DRC8: variants seen among roughly 807,000 people sequenced by gnomAD.
DRC8 encodes dynein regulatory complex subunit 8, also known as dynein regulatory complex protein 8.
the DRC8 span, among the ~76,000 whole-genome samples, chr1:245,110,250 G>A: frequency 2.0e-5 from 3 of 152,170 alleles, no homozygotes; most frequent in Non-Finnish European, 2.9e-5. Flanking sequence ...CGAGCATGGT[G>A]ATGCACGCCT....
the DRC8 span, among the ~76,000 whole-genome samples, chr1:245,108,774 A>G: frequency 6.7e-6 from 1 of 149,176 alleles, no homozygotes; most frequent in African/African-American, 2.5e-5. Context: ...CTTCCACTCT[A>G]CTCCTATAAT....
the DRC8 span, chr1:245,017,337 A>ATT: frequency 1.1e-5 from 15 of 1,317,028 alleles, no homozygotes; most frequent in East Asian, 5.3e-5. Flanking sequence ...GTGTGGAAAT[A>ATT]TTTTTTTTTT....
the DRC8 span, among the ~76,000 whole-genome samples, chr1:245,047,568 G>A: frequency 1.7e-4 from 26 of 151,168 alleles, no homozygotes; most frequent in East Asian, 9.8e-4. Context: ...CTGGGAGGTG[G>A]AGGTTGTAGA....
chr1:245,119,683 C>T, the DRC8 span, among the ~76,000 whole-genome samples: 7 of 149,734 alleles, frequency 4.7e-5, no homozygotes, highest in Admixed American at 2.0e-4. Context: ...CCTGTAATCC[C>T]AACACTTTGG....
chr1:245,105,156 C>T, the DRC8 span, among the ~76,000 whole-genome samples: 1 of 152,162 alleles, frequency 6.6e-6, no homozygotes, highest in Non-Finnish European at 1.5e-5. Flanking sequence ...TGCAAATCAA[C>T]TTCATTGGAA....
the DRC8 span, chr1:245,059,264 A>G: frequency 1.5e-6 from 1 of 657,948 alleles, no homozygotes. Flanking sequence ...TTTTATAATC[A>G]TGAGGCAATA....
chr1:245,012,399 G>A, the DRC8 span, among the ~76,000 whole-genome samples: 1 of 151,482 alleles, frequency 6.6e-6, no homozygotes, highest in Admixed American at 6.6e-5. Flanking sequence ...TGGTAGTGCT[G>A]GCCAGTGCCA....
At chr1:244,987,197 ATTTC>A in the DRC8 span, among the ~76,000 whole-genome samples, 2 of 150,500 alleles carry the variant, frequency 1.3e-5, no homozygotes, top group South Asian at 2.1e-4. Context: ...TGAGTACAGT[ATTTC>A]TTTCTTTTTT....
chr1:244,996,368 C>G, the DRC8 span, among the ~76,000 whole-genome samples: 1 of 151,942 alleles, frequency 6.6e-6, no homozygotes, highest in Admixed American at 6.6e-5. Context: ...ATGGGTCAGC[C>G]CTGGTGTATT....
chr1:244,969,822 G>C, the DRC8 span: 12 of 367,472 alleles, frequency 3.3e-5, no homozygotes, highest in African/African-American at 1.5e-4. Flanking sequence ...GGGAGAAACC[G>C]GGAGGGCAGG....
the DRC8 span, among the ~76,000 whole-genome samples, chr1:245,031,820 G>A: frequency 6.6e-6 from 1 of 152,130 alleles, no homozygotes; most frequent in Non-Finnish European, 1.5e-5. Context: ...ATGGGAGAGC[G>A]ACCATCGCTT....
the DRC8 span, among the ~76,000 whole-genome samples, chr1:245,070,328 T>C: frequency 6.6e-6 from 1 of 152,194 alleles, no homozygotes; most frequent in Non-Finnish European, 1.5e-5. Flanking sequence ...TAAATGAATA[T>C]TCCATATTAC....
the DRC8 span, among the ~76,000 whole-genome samples, chr1:245,072,858 C>T: frequency 1.3e-5 from 2 of 152,098 alleles, no homozygotes; most frequent in African/African-American, 4.8e-5. Context: ...CGCACTCTCT[C>T]TTGCTCCTGT....
At chr1:245,077,832 T>C in the DRC8 span, among the ~76,000 whole-genome samples, 2 of 152,106 alleles carry the variant, frequency 1.3e-5, no homozygotes, top group Non-Finnish European at 2.9e-5. Flanking sequence ...TTGGATATGA[T>C]ACTAAGAGCA....
chr1:244,970,287 A>ACG, the DRC8 span: 17 of 749,936 alleles, frequency 2.3e-5, no homozygotes, highest in Non-Finnish European at 3.6e-5. Flanking sequence ...GCCCCGCCCA[A>ACG]GGGTCTTCCT....
At chr1:245,092,807 A>G in the DRC8 span, among the ~76,000 whole-genome samples, 6 of 152,244 alleles carry the variant, frequency 3.9e-5, no homozygotes, top group South Asian at 1.2e-3. Flanking sequence ...AATATTGCTG[A>G]GCTTCCCCGG....
chr1:244,989,663 G>A, the DRC8 span, among the ~76,000 whole-genome samples: 170 of 152,220 alleles, frequency 1.1e-3, no homozygotes, highest in South Asian at 2.5e-3. Context: ...TCCCCATTCC[G>A]TAGTCTTTGG....
At chr1:245,055,694 T>C in the DRC8 span, among the ~76,000 whole-genome samples, 1 of 152,178 alleles carries the variant, frequency 6.6e-6, no homozygotes, top group Non-Finnish European at 1.5e-5. Context: ...TACCAACTGA[T>C]AAGAAATTCT....
chr1:245,112,505 G>C, the DRC8 span, among the ~76,000 whole-genome samples: 20 of 148,006 alleles, frequency 1.4e-4, no homozygotes, highest in Admixed American at 1.4e-3. Flanking sequence ...CTATATATGT[G>C]TGTTCATATG....
Sources: gnomAD v4.1 joint callset for allele counts (sites outside exome capture counted in the v4.1 genomes callset) on GRCh38, gnomAD v4.1.1 for gene constraint, MANE v1.5 for transcripts, NCBI Gene and HGNC (gene_info 2026-07-23, HGNC 2026-07-21) for gene names.